PPARGC1A: variants seen among roughly 807,000 people sequenced by gnomAD.
PPARGC1A encodes the protein peroxisome proliferator-activated receptor gamma coactivator 1-alpha.
A neutral mutation model predicts 88.7 loss-of-function variants in PPARGC1A; 25 were observed. The ratio of observed to expected loss-of-function variants is 0.28; its 90% CI spans 0.21 to 0.39. PPARGC1A has a LOEUF of 0.39. PPARGC1A is among the 10% of genes least tolerant of loss of function. The pLI, the probability that PPARGC1A is intolerant of heterozygous loss-of-function variation, is 1.00. For missense variants in PPARGC1A, 880 were observed against 968.7 expected, an observed-to-expected ratio of 0.91 and a Z score of 1.22; for synonymous variants, 363 against 355.6, an observed-to-expected ratio of 1.02 and a Z score of -0.24.
At chr4:24,309,847 T>A in the PPARGC1A span, among the ~76,000 whole-genome samples, 3 of 152,036 alleles carry the variant, frequency 2.0e-5, no homozygotes, top group Middle Eastern at 3.2e-3. Context: ...CCTGAGAGAG[T>A]ATTGTATGTC....
At chr4:24,211,255 A>G in the PPARGC1A span, among the ~76,000 whole-genome samples, 1 of 152,214 alleles carries the variant, frequency 6.6e-6, no homozygotes, top group Non-Finnish European at 1.5e-5. Context: ...CAAAGATATT[A>G]AGCCGTGTGC....
At chr4:24,367,443 T>C in the PPARGC1A span, among the ~76,000 whole-genome samples, 2 of 152,316 alleles carry the variant, frequency 1.3e-5, no homozygotes, top group African/African-American at 4.8e-5. Flanking sequence ...CGGGCTCACA[T>C]ACTAGAAAAT....
the PPARGC1A span, among the ~76,000 whole-genome samples, chr4:23,933,779 T>C: frequency 6.6e-6 from 1 of 152,214 alleles, no homozygotes; most frequent in Admixed American, 6.5e-5. Context: ...TTCACATACA[T>C]CACCTAATCA....
At chr4:24,419,565 A>G in the PPARGC1A span, among the ~76,000 whole-genome samples, 1 of 151,340 alleles carries the variant, frequency 6.6e-6, no homozygotes, top group African/African-American at 2.4e-5. Flanking sequence ...CCTTAATGCC[A>G]CAGCCGAACT....
At chr4:24,030,061 A>G in the PPARGC1A span, among the ~76,000 whole-genome samples, 1 of 152,236 alleles carries the variant, frequency 6.6e-6, no homozygotes, top group Non-Finnish European at 1.5e-5. Context: ...GAGAGACTCT[A>G]CTGTAAACTA....
chr4:24,247,298 G>A, the PPARGC1A span, among the ~76,000 whole-genome samples: 1 of 152,094 alleles, frequency 6.6e-6, no homozygotes, highest in East Asian at 1.9e-4. Flanking sequence ...TCTATGCTAA[G>A]GCAAGAAACT....
chr4:24,132,302 A>AG, the PPARGC1A span, among the ~76,000 whole-genome samples: 1 of 151,692 alleles, frequency 6.6e-6, no homozygotes, highest in African/African-American at 2.4e-5. Flanking sequence ...ATCAGAAAAA[A>AG]AAAAAGTCCA....
the PPARGC1A span, among the ~76,000 whole-genome samples, chr4:24,267,106 C>T: frequency 6.6e-6 from 1 of 152,130 alleles, no homozygotes; most frequent in Non-Finnish European, 1.5e-5. Flanking sequence ...TAACAGAATA[C>T]ATTACACTGA....
At chr4:24,294,078 C>T in the PPARGC1A span, among the ~76,000 whole-genome samples, 1 of 152,186 alleles carries the variant, frequency 6.6e-6, no homozygotes, top group South Asian at 2.1e-4. Flanking sequence ...AAACACACAG[C>T]TACTGAAGTA....
At chr4:24,138,375 T>C in the PPARGC1A span, among the ~76,000 whole-genome samples, 1 of 152,176 alleles carries the variant, frequency 6.6e-6, no homozygotes, top group Non-Finnish European at 1.5e-5. Context: ...AAAGGGACAA[T>C]TGGACACAGT....
At chr4:23,799,517 G>A (rs1004955163) in intron 12 of PPARGC1A, among the ~76,000 whole-genome samples, 1 of 152,198 alleles carries the variant, frequency 6.6e-6, no homozygotes, top group Non-Finnish European at 1.5e-5. Flanking sequence ...GGATTCCAAA[G>A]CCTGGCCTCT....
the PPARGC1A span, among the ~76,000 whole-genome samples, chr4:23,948,431 C>G: frequency 3.9e-5 from 6 of 152,282 alleles, no homozygotes; most frequent in Admixed American, 2.0e-4. Flanking sequence ...TATATTTCAT[C>G]CTTTCTACAG....
the PPARGC1A span, among the ~76,000 whole-genome samples, chr4:24,425,028 A>G: frequency 6.6e-6 from 1 of 152,360 alleles, no homozygotes; most frequent in Admixed American, 6.5e-5. Flanking sequence ...GATTATGCAT[A>G]TAATTACAGT....
At chr4:24,238,019 C>T in the PPARGC1A span, among the ~76,000 whole-genome samples, 4 of 152,102 alleles carry the variant, frequency 2.6e-5, no homozygotes, top group African/African-American at 7.2e-5. Context: ...ATGAGGAAAT[C>T]GACACACAGA....
the PPARGC1A span, among the ~76,000 whole-genome samples, chr4:24,128,663 T>C: frequency 6.6e-6 from 1 of 152,042 alleles, no homozygotes; most frequent in Non-Finnish European, 1.5e-5. Context: ...GGGTGATTTC[T>C]ACCTTTATTT....
the PPARGC1A span, among the ~76,000 whole-genome samples, chr4:24,471,655 GCCC>G: frequency 6.6e-6 from 1 of 152,158 alleles, no homozygotes; most frequent in Non-Finnish European, 1.5e-5. This position sits in a 1 kb window ranked among gnomAD's most constrained non-coding sequence, Gnocchi z 5.4. Flanking sequence ...GCGTCCCTGG[GCCC>G]CCCGAGTCAC....
chr4:23,951,207 T>A, the PPARGC1A span, among the ~76,000 whole-genome samples: 2 of 152,090 alleles, frequency 1.3e-5, no homozygotes, highest in South Asian at 4.1e-4. Context: ...CACAGGGAAT[T>A]GGGGGATGGT....
Position 23,813,916 on chromosome 4 carries a change from A to G in PPARGC1A, c.1567T>C (p.Tyr523His). ...TAGGATTGCGTGCCATCCCAAGGGT[A>G]GCTCAGTTTATCACTTTCATCTTCG... Reference protein sequence around the residue: ...DSEDESDKLSYPWDGTQSYSL... With the variant: ...DSEDESDKLSHPWDGTQSYSL... Residue 523 changes from tyrosine to histidine, a missense_variant, in exon 8 of 13, where the codon TAC (tyrosine) becomes CAC (histidine). By Grantham distance (83) the Tyr-to-His change is moderately conservative. Transcript: ENST00000264867. 1 of 1,613,946 alleles carries G rather than the reference A, an allele frequency of 6.2e-7. No individual in the cohort carries two copies.
the PPARGC1A span, among the ~76,000 whole-genome samples, chr4:24,082,360 G>A: frequency 3.3e-5 from 5 of 152,168 alleles, no homozygotes; most frequent in South Asian, 2.1e-4. Flanking sequence ...GAGGTGCCAC[G>A]TGATCCTAGG....
Sources: allele counts gnomAD v4.1 joint callset (sites outside exome capture counted in the v4.1 genomes callset), GRCh38; gene constraint gnomAD v4.1.1; non-coding constraint Gnocchi (gnomAD v3.1); transcripts MANE v1.5; gene names NCBI Gene and HGNC (gene_info 2026-07-23, HGNC 2026-07-21).